Variants in MORC1 observed in about 807,000 individuals in gnomAD.
MORC1 encodes the protein MORC family CW-type zinc finger protein 1.
MORC1 carries 59 observed loss-of-function variants against 134.9 expected under a neutral mutation model. The ratio of observed to expected loss-of-function variants is 0.44; its 90% CI spans 0.35 to 0.54. The LOEUF is 0.54. MORC1 is among the 20% of genes least tolerant of loss of function. The pLI is 0.00. For missense variants in MORC1, 947 were observed against 1,134.5 expected (o/e 0.83, Z 2.37); for synonymous variants, 395 against 391.7 (o/e 1.01, Z -0.10).
chr3:109,116,856 C>T (rs1559962220), intron 1 of MORC1, among the ~76,000 whole-genome samples: 1 of 152,242 alleles, frequency 6.6e-6, no homozygotes. Context: ...TACTCCATGT[C>T]ACTGTCACTT....
chr3:109,020,437 G>A (rs764699956), intron 17 of MORC1, among the ~76,000 whole-genome samples: 3 of 152,076 alleles, frequency 2.0e-5, no homozygotes, highest in Non-Finnish European at 4.4e-5. Flanking sequence ...CTGAAGGAGT[G>A]GAGAGGTTAA....
At position 109,007,014 on chromosome 3, in the gene MORC1, A is replaced by G. The variant is rs377539468; in HGVS notation, c.1767+15T>C. ...AACATGACACAAATTGCTTAATCCT[A>G]TATTAATTACTCACCTTATGTGCTG... is the stretch of plus-strand genomic sequence containing the variant. On this transcript the variant is annotated intron_variant, in intron 18 of 27. Coordinates refer to ENST00000232603, the MANE Select transcript of MORC1 (RefSeq NM_014429.4). The G allele has an allele frequency of 8.1e-6, 13 of 1,596,342 alleles. No homozygotes were observed. In the African/African-American group the frequency reaches 1.2e-4, roughly 15 times the overall value.
chr3:109,099,686 G>T (rs1473775951), intron 5 of MORC1, among the ~76,000 whole-genome samples: 1 of 151,984 alleles, frequency 6.6e-6, no homozygotes, highest in Non-Finnish European at 1.5e-5. Context: ...GGCTGCAGGG[G>T]AAAGGGTCCA....
chr3:108,998,331 G>T (rs1948295569), intron 21 of MORC1, among the ~76,000 whole-genome samples: 1 of 152,180 alleles, frequency 6.6e-6, no homozygotes, highest in Non-Finnish European at 1.5e-5. Context: ...ATCCCCGTGA[G>T]ATGAAGTTTC....
intron 1 of MORC1, 88 bp downstream of exon 1, chr3:109,117,907 G>T: frequency 9.6e-7 from 1 of 1,036,280 alleles, no homozygotes; most frequent in Non-Finnish European, 1.5e-6. Context: ...AAGTTCACTT[G>T]CTGAGTATTC....
At chr3:109,069,796 A>C in intron 8 of MORC1, 39 bp from the exon 9 acceptor site, 1 of 1,559,994 alleles carries the variant, frequency 6.4e-7, no homozygotes, top group Non-Finnish European at 8.7e-7. Flanking sequence ...TACAGAGGAC[A>C]CAACAACTAC....
At chr3:109,066,614 A>G (rs1410023122) in intron 9 of MORC1, among the ~76,000 whole-genome samples, 1 of 152,140 alleles carries the variant, frequency 6.6e-6, no homozygotes, top group African/African-American at 2.4e-5. Flanking sequence ...GCTTTTGCCA[A>G]ATGTCCAATG....
chr3:109,027,856 T>A lies in MORC1; in HGVS notation c.1599A>T (p.Pro533=), dbSNP rs765708457. 1 of 1,613,736 alleles carries A rather than the reference T, an allele frequency of 6.2e-7. No homozygotes were observed. Among genetic ancestry groups the A allele is most frequent in the Non-Finnish European group, 8.5e-7 (1 of 1,179,794 alleles). The change falls in exon 17 of 28, where the codon CCA becomes CCT. Residue 533 remains proline (P), a synonymous_variant. Coordinates refer to ENST00000232603, the MANE Select transcript of MORC1 (RefSeq NM_014429.4). ...CHQVECLPSI[P]LGTMSTISPS... ...GTGATATTGTGCTCATGGTGCCCAGTGGGATGGAAGGTAGACATTCTACCT... is the reference window on the plus strand; with the variant it reads ...GTGATATTGTGCTCATGGTGCCCAGAGGGATGGAAGGTAGACATTCTACCT...
intron 17 of MORC1, among the ~76,000 whole-genome samples, chr3:109,008,656 G>A (rs537174007): frequency 2.1e-5 from 3 of 143,852 alleles, no homozygotes; most frequent in Non-Finnish European, 3.0e-5. Flanking sequence ...TATAATTTAA[G>A]TTTTTAATGA....
chr3:108,958,881 TAAC>T lies in MORC1; in HGVS notation c.*81_*83del, dbSNP rs1423703082. On this transcript the variant is annotated 3_prime_UTR_variant, in exon 28 of 28. Coordinates refer to ENST00000232603, the MANE Select transcript of MORC1 (RefSeq NM_014429.4). ...TTGTTAAACAGAATAGACTTTACAG[TAAC>T]AACAACAAAAAAGAAAAATTTTTAA... 3.6e-5 allele frequency: 34 copies of T among 934,086 alleles called. No individual in the cohort carries two copies. Among genetic ancestry groups the T allele is most frequent in the South Asian group, 3.5e-4 (16 of 45,180 alleles). 57.9% of individuals were successfully genotyped at this position (934,086 alleles called of 1,614,324 possible).
At position 109,022,776 on chromosome 3, in the gene MORC1, T is replaced by A. The variant is rs140584669; in HGVS notation, c.1704+4975A>T. Among the ~76,000 whole-genome samples the A allele has an allele frequency of 1.8e-3, 270 of 152,352 alleles. 6 individuals carry two copies. The highest frequency in any genetic ancestry group is 6.2e-3 in the African/African-American group (259 of 41,574). On this transcript the variant is annotated intron_variant, in intron 17 of 27. Coordinates refer to ENST00000232603, the MANE Select transcript of MORC1 (RefSeq NM_014429.4). ...TGCATAAATCAAATTATTCTTTCCA[T>A]CCTTCATTGTTTGCTAAATACCTAT...
chr3:108,996,626 G>C (rs368510984), intron 21 of MORC1, among the ~76,000 whole-genome samples: 1 of 152,172 alleles, frequency 6.6e-6, no homozygotes, highest in Non-Finnish European at 1.5e-5. Flanking sequence ...CAAATGATGT[G>C]CAAGGTCTTG....
chr3:108,962,530 G>C (rs770219458), intron 27 of MORC1, among the ~76,000 whole-genome samples: 3 of 151,910 alleles, frequency 2.0e-5, no homozygotes, highest in Non-Finnish European at 4.4e-5. Flanking sequence ...CCTCCATAAG[G>C]GTCTCAGTTC....
intron 14 of MORC1, among the ~76,000 whole-genome samples, chr3:109,050,750 GTGT>G (rs1229529642): frequency 6.6e-6 from 1 of 152,106 alleles, no homozygotes; most frequent in Admixed American, 6.5e-5. Context: ...TTTTTTAATA[GTGT>G]TGTGCAAATT....
Position 109,004,904 on chromosome 3 carries a change from A to C in MORC1, c.2014-16T>G. 6.2e-7 allele frequency: 1 copy of C among 1,606,164 alleles called. No homozygotes were observed. Among genetic ancestry groups the C allele is most frequent in the Non-Finnish European group, 8.5e-7 (1 of 1,177,818 alleles). ...TCTGACTTCTCTTTCAAAACAGAGAATACAGAAAAAAAAATTAGAAATTGG... is the reference window on the plus strand; with the variant it reads ...TCTGACTTCTCTTTCAAAACAGAGACTACAGAAAAAAAAATTAGAAATTGG... On this transcript the variant is annotated splice_polypyrimidine_tract_variant and intron_variant, in intron 19 of 27. Transcript: ENST00000232603.
In MORC1 at chr3:109,068,681, C is replaced by T. The variant is rs548120467; in HGVS notation, c.815+951G>A. Among the ~76,000 whole-genome samples, 62 of 152,306 alleles carry T rather than the reference C, an allele frequency of 4.1e-4. No individual in the cohort carries two copies. The South Asian group carries it at 4.8e-3, about 12-fold the overall frequency. ...TTGTGGTGCTATAAACATGCATGTGCAAGTATCTTCTTCAAATAACTTCTT... is the reference window on the plus strand; with the variant it reads ...TTGTGGTGCTATAAACATGCATGTGTAAGTATCTTCTTCAAATAACTTCTT... On this transcript the variant is annotated intron_variant, in intron 9 of 27. Transcript: ENST00000232603.
intron 24 of MORC1, among the ~76,000 whole-genome samples, chr3:108,971,986 G>C (rs142185092): frequency 1.3e-5 from 2 of 152,292 alleles, no homozygotes; most frequent in East Asian, 3.9e-4. Flanking sequence ...TTTCCTGGAA[G>C]AAAGTAGGCT....
intron 20 of MORC1, among the ~76,000 whole-genome samples, chr3:109,001,182 G>A (rs1482567040): frequency 1.3e-5 from 2 of 151,714 alleles, no homozygotes; most frequent in African/African-American, 2.4e-5. Flanking sequence ...ACCCAGGCTG[G>A]AGTGCAGTGG....
At chr3:109,088,859 T>C (rs987542010) in intron 8 of MORC1, among the ~76,000 whole-genome samples, 2 of 152,130 alleles carry the variant, frequency 1.3e-5, no homozygotes, top group Admixed American at 1.3e-4. Flanking sequence ...ATGTGGTACA[T>C]ATACCATGGA....
Sources: allele counts gnomAD v4.1 joint callset (sites outside exome capture counted in the v4.1 genomes callset), GRCh38; gene constraint gnomAD v4.1.1; transcripts MANE v1.5; gene names NCBI Gene and HGNC (gene_info 2026-07-23, HGNC 2026-07-21).